The following CFAP58 variants were observed in gnomAD, a reference collection of about 807,000 sequenced individuals.
The protein encoded by CFAP58 is cilia and flagella associated protein 58.
CFAP58 carries 88 observed loss-of-function variants against 119.5 expected under a neutral mutation model. The ratio of observed to expected loss-of-function variants is 0.74; its 90% CI spans 0.62 to 0.88. The LOEUF (loss-of-function observed/expected upper bound fraction) is 0.88, where lower values mean the gene tolerates loss of function less well. Ranked by LOEUF, CFAP58 falls within the 40% of genes least tolerant of loss-of-function variation. The probability of loss-of-function intolerance (pLI) is 0.00; values close to 1 mark genes in which losing one functional copy is unlikely to be tolerated. For missense variants in CFAP58, 990 were observed against 1,021.2 expected, an observed-to-expected ratio of 0.97 and a Z score of 0.42; for synonymous variants, 365 against 366.3, an observed-to-expected ratio of 1.00 and a Z score of 0.04.
intron 2 of CFAP58, 144 bp downstream of exon 2, chr10:104,358,766 C>A: frequency 1.5e-6 from 1 of 653,872 alleles, no homozygotes; most frequent in Non-Finnish European, 2.4e-6. Flanking sequence ...GAATAATGTT[C>A]ATTTTCAAAG....
At chr10:104,412,916 C>T (rs1564897072) in intron 15 of CFAP58, among the ~76,000 whole-genome samples, 1 of 152,192 alleles carries the variant, frequency 6.6e-6, no homozygotes, top group Non-Finnish European at 1.5e-5. Flanking sequence ...CTTAGGAAAG[C>T]CCCTTTTCCT....
intron 9 of CFAP58, among the ~76,000 whole-genome samples, chr10:104,391,879 T>C (rs1356778726): frequency 6.6e-6 from 1 of 152,224 alleles, no homozygotes; most frequent in East Asian, 1.9e-4. Flanking sequence ...GTGCTTTGTG[T>C]TAAGATCTGT....
At chr10:104,408,829 T>G (rs2012408620) in intron 15 of CFAP58, among the ~76,000 whole-genome samples, 1 of 152,228 alleles carries the variant, frequency 6.6e-6, no homozygotes, top group Non-Finnish European at 1.5e-5. Flanking sequence ...TTGGGTGCAG[T>G]GGATCATGCC....
chr10:104,366,078 T>G, intron 5 of CFAP58, 70 bp downstream of exon 5: 1 of 1,336,574 alleles, frequency 7.5e-7, no homozygotes, highest in Non-Finnish European at 1.0e-6. Flanking sequence ...CACCCTTTTG[T>G]GCATTTTGAA....
the CFAP58 span, among the ~76,000 whole-genome samples, chr10:104,340,313 T>C: frequency 1.3e-5 from 2 of 152,200 alleles, no homozygotes. Context: ...TTGCATGATA[T>C]GCTTTTTCTC....
At chr10:104,355,816 C>A (rs117282714) in intron 1 of CFAP58, among the ~76,000 whole-genome samples, 1,771 of 152,310 alleles carry the variant, frequency 0.012, 25 homozygotes, top group Non-Finnish European at 0.014. Context: ...ACAATAGGAA[C>A]AAATCTCTTT....
intron 15 of CFAP58, among the ~76,000 whole-genome samples, chr10:104,444,303 T>C (rs2013081166): frequency 6.6e-6 from 1 of 152,210 alleles, no homozygotes; most frequent in African/African-American, 2.4e-5. Flanking sequence ...ACAAATTAAT[T>C]GACTAAAGAG....
Position 104,380,124 on chromosome 10 carries a change from C to G in CFAP58, c.1269C>G (p.Asn423Lys), listed in dbSNP as rs1450672218. 1 of 1,614,094 alleles carries G rather than the reference C, an allele frequency of 6.2e-7. No homozygotes were observed. The highest frequency in any genetic ancestry group is 8.5e-7 in the Non-Finnish European group (1 of 1,179,992). ...GGAACCTGGAGGGAGAAATCCAGAACTACAAGGATGAGGCTCAGAAGCAGA... is the reference window on the plus strand; with the variant it reads ...GGAACCTGGAGGGAGAAATCCAGAAGTACAAGGATGAGGCTCAGAAGCAGA... Reference protein sequence around the residue: ...AKRNLEGEIQNYKDEAQKQRK... With the variant: ...AKRNLEGEIQKYKDEAQKQRK... The change falls in exon 9 of 18, where the codon AAC becomes AAG. Residue 423 changes from asparagine to lysine, a missense_variant. Coordinates refer to ENST00000369704, the MANE Select transcript of CFAP58 (RefSeq NM_001008723.2).
intron 9 of CFAP58, among the ~76,000 whole-genome samples, chr10:104,389,307 G>A (rs11192033): frequency 0.24 from 35,901 of 152,074 alleles, 4,350 homozygotes; most frequent in Non-Finnish European, 0.26. Flanking sequence ...GGATCCAGAA[G>A]CAAGTTTGTG....
chr10:104,348,444 T>C, the CFAP58 span, among the ~76,000 whole-genome samples: 3 of 152,210 alleles, frequency 2.0e-5, no homozygotes, highest in Admixed American at 1.3e-4. Context: ...GGCGATTCTA[T>C]CCAGGTTTAA....
intron 16 of CFAP58, 117 bp downstream of exon 16, chr10:104,447,934 G>A: frequency 7.7e-7 from 1 of 1,295,052 alleles, no homozygotes; most frequent in Non-Finnish European, 1.0e-6. Flanking sequence ...ACGATCCTCT[G>A]AGGTCAGCTC....
At chr10:104,353,543 C>T, upstream of CFAP58, 1 of 280,482 alleles carries the variant, frequency 3.6e-6, no homozygotes, top group Admixed American at 5.0e-5. Flanking sequence ...TCCAATTCGC[C>T]CTCTTCTTTC....
intron 9 of CFAP58, among the ~76,000 whole-genome samples, chr10:104,384,029 A>G (rs903788257): frequency 6.6e-6 from 1 of 152,228 alleles, no homozygotes; most frequent in South Asian, 2.1e-4. Context: ...ATAATTTATA[A>G]TAATGAGAAC....
At chr10:104,395,606 C>A (rs887645370) in intron 11 of CFAP58, among the ~76,000 whole-genome samples, 1 of 152,150 alleles carries the variant, frequency 6.6e-6, no homozygotes, top group East Asian at 1.9e-4. Context: ...AAAAATATGA[C>A]AGCTCAAATG....
At chr10:104,357,853 A>ATG (rs2014575148) in intron 1 of CFAP58, among the ~76,000 whole-genome samples, 2 of 44,146 alleles carry the variant, frequency 4.5e-5, no homozygotes, top group African/African-American at 8.7e-5. Context: ...ATGTACACAT[A>ATG]TATACACATA....
chr10:104,377,540 G>T (rs1252927051), intron 8 of CFAP58, among the ~76,000 whole-genome samples: 1 of 152,112 alleles, frequency 6.6e-6, no homozygotes, highest in African/African-American at 2.4e-5. Flanking sequence ...TAGTTACAGG[G>T]AATTAGGGTA....
the CFAP58 span, among the ~76,000 whole-genome samples, chr10:104,339,319 A>G: frequency 6.6e-5 from 10 of 152,214 alleles, no homozygotes; most frequent in Admixed American, 6.5e-4. Context: ...ATCAAGTGTT[A>G]CTACCCCTAT....
intron 15 of CFAP58, among the ~76,000 whole-genome samples, chr10:104,442,966 T>C (rs1465762776): frequency 1.3e-5 from 2 of 152,244 alleles, no homozygotes; most frequent in Non-Finnish European, 2.9e-5. Context: ...CCTGTATTGA[T>C]GTATGTTGGT....
At chr10:104,362,762 C>G (rs1358447396) in intron 3 of CFAP58, among the ~76,000 whole-genome samples, 1 of 152,154 alleles carries the variant, frequency 6.6e-6, no homozygotes, top group African/African-American at 2.4e-5. Flanking sequence ...TTCTTTATTC[C>G]ATCATTGCTA....
Sources: gnomAD v4.1 joint callset for allele counts (sites outside exome capture counted in the v4.1 genomes callset) on GRCh38, gnomAD v4.1.1 for gene constraint, MANE v1.5 for transcripts, NCBI Gene and HGNC (gene_info 2026-07-23, HGNC 2026-07-21) for gene names.